Variants in DOCK3 observed in about 807,000 individuals in gnomAD.
The protein encoded by DOCK3 is dedicator of cytokinesis protein 3.
DOCK3 carries 60 observed loss-of-function variants against 265.6 expected under a neutral mutation model. That is an observed-to-expected ratio of 0.23 (90% CI 0.18 to 0.28). The LOEUF is 0.28. Among genes scored for constraint, DOCK3 ranks in the 10% least tolerant of loss-of-function variants. The probability of loss-of-function intolerance (pLI) is 1.00; values close to 1 mark genes in which losing one functional copy is unlikely to be tolerated. For missense variants in DOCK3, 1,981 were observed against 2,594.3 expected (o/e 0.76, Z 5.14); for synonymous variants, 881 against 938.0 (o/e 0.94, Z 1.11).
intron 12 of DOCK3, among the ~76,000 whole-genome samples, chr3:51,167,056 T>C (rs918531095): frequency 1.3e-5 from 2 of 152,188 alleles, no homozygotes; most frequent in Non-Finnish European, 2.9e-5. Flanking sequence ...TCAAGGAGCT[T>C]TTATTTCTGT....
intron 46 of DOCK3, among the ~76,000 whole-genome samples, chr3:51,360,285 T>C (rs1413061223): frequency 6.6e-6 from 1 of 152,218 alleles, no homozygotes; most frequent in East Asian, 1.9e-4. Flanking sequence ...GGAGTCAACC[T>C]GGGGCCTCGC....
chr3:50,693,836 C>T (rs934350794), intron 1 of DOCK3, among the ~76,000 whole-genome samples: 5 of 151,940 alleles, frequency 3.3e-5, no homozygotes, highest in African/African-American at 4.8e-5. Flanking sequence ...CGCACCTGGC[C>T]TTCCTTTTCA....
At chr3:50,889,207 C>G (rs2048517807) in intron 3 of DOCK3, among the ~76,000 whole-genome samples, 1 of 151,404 alleles carries the variant, frequency 6.6e-6, no homozygotes, top group Non-Finnish European at 1.5e-5. Flanking sequence ...AGTCATCCTC[C>G]CAAGTAGCTA....
chr3:51,106,056 G>A (rs1215733851), intron 9 of DOCK3, among the ~76,000 whole-genome samples: 1 of 152,238 alleles, frequency 6.6e-6, no homozygotes, highest in Non-Finnish European at 1.5e-5. Flanking sequence ...AGAGGGTTTG[G>A]TGTGGGAGCA....
intron 5 of DOCK3, among the ~76,000 whole-genome samples, chr3:51,007,709 G>C (rs78830898): frequency 0.9 from 136,885 of 151,958 alleles, 61,848 homozygotes; most frequent in African/African-American, 0.95. Context: ...CCTATGTCCT[G>C]AATGGTATTG....
chr3:51,294,586 G>GTA (rs1280148491), intron 27 of DOCK3, among the ~76,000 whole-genome samples: 3 of 151,632 alleles, frequency 2.0e-5, no homozygotes, highest in Non-Finnish European at 4.4e-5. Context: ...GCTGAGGCAG[G>GTA]AAGATGGCGT....
At chr3:50,829,003 C>T (rs931341957) in intron 2 of DOCK3, among the ~76,000 whole-genome samples, 15 of 152,134 alleles carry the variant, frequency 9.9e-5, no homozygotes, top group African/African-American at 2.7e-4. Context: ...TGAGCCACCG[C>T]GCCTGGACCC....
intron 8 of DOCK3, among the ~76,000 whole-genome samples, chr3:51,089,712 C>T (rs1253794464): frequency 1.3e-5 from 2 of 151,778 alleles, no homozygotes; most frequent in Middle Eastern, 3.4e-3. Context: ...AGTTTGAGAC[C>T]AGCCTGGTCA....
At chr3:51,136,105 A>G (rs570098196) in intron 9 of DOCK3, among the ~76,000 whole-genome samples, 2 of 152,206 alleles carry the variant, frequency 1.3e-5, no homozygotes, top group South Asian at 2.1e-4. Flanking sequence ...CTCCTGGAAT[A>G]CCTTTTTCTT....
At chr3:50,676,368 A>T in intron 1 of DOCK3, among the ~76,000 whole-genome samples, 1 of 152,242 alleles carries the variant, frequency 6.6e-6, no homozygotes, top group Non-Finnish European at 1.5e-5. Flanking sequence ...GAGGTCTTCT[A>T]TTCTGGTAGA....
At chr3:50,709,621 T>C (rs909029043) in intron 1 of DOCK3, among the ~76,000 whole-genome samples, 8 of 151,592 alleles carry the variant, frequency 5.3e-5, no homozygotes, top group African/African-American at 1.2e-4. Flanking sequence ...AGGTCGGGAG[T>C]TCAAGACCAG....
chr3:51,223,547 T>A (rs2090192482), intron 14 of DOCK3, among the ~76,000 whole-genome samples: 1 of 151,976 alleles, frequency 6.6e-6, no homozygotes, highest in African/African-American at 2.4e-5. Flanking sequence ...AATTAAAATT[T>A]TAGAATAAAT....
intron 1 of DOCK3, among the ~76,000 whole-genome samples, chr3:50,739,917 A>C (rs2038903817): frequency 6.6e-6 from 1 of 152,072 alleles, no homozygotes; most frequent in South Asian, 2.1e-4. Flanking sequence ...TACATTGATA[A>C]ATTTTGACAT....
chr3:50,677,161 G>C (rs1030212696), intron 1 of DOCK3, among the ~76,000 whole-genome samples: 7 of 152,350 alleles, frequency 4.6e-5, no homozygotes, highest in Admixed American at 3.9e-4. Context: ...CTAAATGAGA[G>C]AGACAGTTAC....
At chr3:50,877,008 C>T (rs2047735047) in intron 3 of DOCK3, 1 of 163,024 alleles carries the variant, frequency 6.1e-6, no homozygotes, top group South Asian at 1.7e-4. Flanking sequence ...TATGTGTGGC[C>T]CAAGACAATT....
intron 12 of DOCK3, among the ~76,000 whole-genome samples, chr3:51,202,491 A>G (rs1445032920): frequency 6.6e-6 from 1 of 152,130 alleles, no homozygotes; most frequent in Non-Finnish European, 1.5e-5. Context: ...CTCTGAATAG[A>G]CCAATAACAG....
Position 51,357,655 on chromosome 3 carries a change from C to T in DOCK3, c.4684-103C>T, listed in dbSNP as rs942157094. On this transcript the variant is annotated intron_variant, in intron 44 of 52. Transcript: ENST00000266037. ...GGTGTATGTACCTATGAGGAGACAG[C>T]CTGGCTGCTTTTTAGGTGGCATTAG... The T allele has an allele frequency of 4.5e-5, 49 of 1,100,622 alleles. No homozygotes were observed. In the Admixed American group the frequency reaches 9.8e-4, roughly 22 times the overall value. The allele number at this position is 1,100,622 out of a possible 1,614,324, so 68.2% of individuals were successfully genotyped here.
At chr3:50,936,221 A>G (rs763581568) in intron 5 of DOCK3, among the ~76,000 whole-genome samples, 5 of 152,044 alleles carry the variant, frequency 3.3e-5, no homozygotes, top group East Asian at 1.9e-4. Flanking sequence ...GAACAGGTCA[A>G]TTTGAAGATA....
chr3:50,877,943 C>T (rs2047797346), intron 3 of DOCK3, among the ~76,000 whole-genome samples: 1 of 152,208 alleles, frequency 6.6e-6, no homozygotes, highest in African/African-American at 2.4e-5. Flanking sequence ...AAGGATCAGG[C>T]AGCAACATTT....
Sources: gnomAD v4.1 joint callset for allele counts (sites outside exome capture counted in the v4.1 genomes callset) on GRCh38, gnomAD v4.1.1 for gene constraint, MANE v1.5 for transcripts, NCBI Gene and HGNC (gene_info 2026-07-23, HGNC 2026-07-21) for gene names.